The following ACBD3 variants were observed in gnomAD, a reference collection of about 807,000 sequenced individuals.
The protein encoded by ACBD3 is acyl-CoA binding domain containing 3.
Under a neutral mutation model 66.9 loss-of-function variants are expected in ACBD3, and 30 were observed. The observed-to-expected ratio is 0.45, with a 90% CI of 0.34 to 0.61. The LOEUF (loss-of-function observed/expected upper bound fraction) is 0.61. Among genes scored for constraint, ACBD3 ranks in the 20% least tolerant of loss-of-function variants. The pLI, the probability that ACBD3 is intolerant of heterozygous loss-of-function variation, is 0.02. For synonymous variants in ACBD3, 278 were observed against 259.8 expected (o/e 1.07, Z -0.68); for missense variants, 544 against 664.5 (o/e 0.82, Z 1.99).
At chr1:226,170,355 T>C (rs1576238005) in intron 1 of ACBD3, among the ~76,000 whole-genome samples, 1 of 149,270 alleles carries the variant, frequency 6.7e-6, no homozygotes, top group South Asian at 2.1e-4. Flanking sequence ...TTTTTTTTTT[T>C]AGTAGAGACG....
chr1:226,186,433 G>A lies in ACBD3; in HGVS notation c.243C>T (p.Phe81=), dbSNP rs753573490. 2 of 1,525,616 alleles carry A rather than the reference G, an allele frequency of 1.3e-6. No homozygotes were observed. Among genetic ancestry groups the A allele is most frequent in the East Asian group, 2.8e-5 (1 of 35,982 alleles). 94.5% of individuals were successfully genotyped at this position (1,525,616 alleles called of 1,614,324 possible). A position where few individuals can be genotyped will look rare whatever the true frequency, so the allele number is the denominator to read the frequency against. ...EARRLEQRWG[F]GLEELYGLAL... is the part of the protein sequence containing the mutation. ...CCAGGCCGTACAACTCCTCCAGGCC[G>A]AAACCCCAGCGCTGCTCCAGCCGCC... The change falls in exon 1 of 8, where the codon TTC becomes TTT. Residue 81 remains phenylalanine (F), a synonymous_variant. Coordinates refer to ENST00000366812, the MANE Select transcript of ACBD3 (RefSeq NM_022735.4).
intron 7 of ACBD3, among the ~76,000 whole-genome samples, chr1:226,151,864 G>A (rs187230247): frequency 1.3e-5 from 2 of 152,092 alleles, no homozygotes; most frequent in African/African-American, 2.4e-5. Context: ...AAAATTAGCC[G>A]GGCACAGTGG....
Position 226,146,523 on chromosome 1 carries a change from C to T in ACBD3, c.*87G>A. ...AATATCAATAAGGTAAACTGTGACT[C>T]TAATGCTCCACAAAAGTAAAAAGAA... is the stretch of plus-strand genomic sequence containing the variant. On this transcript the variant is annotated 3_prime_UTR_variant, in exon 8 of 8. Transcript: ENST00000366812. The T allele has an allele frequency of 8.7e-7, 1 of 1,155,432 alleles. No individual in the cohort carries two copies. Among genetic ancestry groups the T allele is most frequent in the Non-Finnish European group, 1.3e-6 (1 of 798,270 alleles). The allele number at this position is 1,155,432 out of a possible 1,614,324, so 71.6% of individuals were successfully genotyped here. A position where few individuals can be genotyped will look rare whatever the true frequency, so the allele number is the denominator to read the frequency against.
chr1:226,173,751 T>TC (rs1401968089), intron 1 of ACBD3, among the ~76,000 whole-genome samples: 1 of 136,666 alleles, frequency 7.3e-6, no homozygotes, highest in African/African-American at 2.9e-5. Context: ...TCTTTTTTTT[T>TC]CTTTTCTTTT....
At chr1:226,165,495 C>T (rs780188855) in intron 2 of ACBD3, among the ~76,000 whole-genome samples, 10 of 151,968 alleles carry the variant, frequency 6.6e-5, no homozygotes, top group African/African-American at 2.4e-4. Context: ...AATATTTGAG[C>T]CTTAATTAAA....
At chr1:226,181,512 T>C (rs967211523) in intron 1 of ACBD3, among the ~76,000 whole-genome samples, 6 of 152,176 alleles carry the variant, frequency 3.9e-5, no homozygotes, top group African/African-American at 1.4e-4. Flanking sequence ...GTAGAACTAT[T>C]CCATAAAGAA....
chr1:226,174,814 T>C (rs1655992258), intron 1 of ACBD3, among the ~76,000 whole-genome samples: 1 of 145,018 alleles, frequency 6.9e-6, no homozygotes, highest in African/African-American at 2.6e-5. Flanking sequence ...AAACAATGAA[T>C]GGGAAGGTGG....
At chr1:226,147,128 G>A (rs1297357106) in intron 7 of ACBD3, among the ~76,000 whole-genome samples, 14 of 152,208 alleles carry the variant, frequency 9.2e-5, no homozygotes, top group Admixed American at 9.2e-4. Context: ...CTGACCTTGT[G>A]ACCCACCTGC....
At position 226,184,585 on chromosome 1, in the gene ACBD3, T is replaced by C. The variant is rs539401278; in HGVS notation, c.286+1805A>G. On this transcript the variant is annotated intron_variant, in intron 1 of 7. Transcript: ENST00000366812. ...ATTTTATAGAATCCAGCTCCCTTTA[T>C]ACATATGAAACTGATTCTGGAAAAG... is the stretch of plus-strand genomic sequence containing the variant. Among the ~76,000 whole-genome samples, 4 of 152,338 alleles carry C rather than the reference T, an allele frequency of 2.6e-5. No individual in the cohort carries two copies. The East Asian group carries it at 7.7e-4, about 29-fold the overall frequency.
Position 226,146,650 on chromosome 1 carries a change from C to T in ACBD3, c.1547G>A (p.Arg516Gln), listed in dbSNP as rs756404934. 3 of 1,613,738 alleles carry T rather than the reference C, an allele frequency of 1.9e-6. No individual in the cohort carries two copies. Among genetic ancestry groups the T allele is most frequent in the Non-Finnish European group, 2.5e-6 (3 of 1,179,954 alleles). ...LKFDNSYSLW[R>Q]SKSVYYRVYY... ...GACTCTGTAGTAGACTGATTTTGACCGCCACAAAGAGTAGGAGTTGTCAAA... is the reference window on the plus strand; with the variant it reads ...GACTCTGTAGTAGACTGATTTTGACTGCCACAAAGAGTAGGAGTTGTCAAA... Residue 516 changes from arginine to glutamine, a missense_variant, in exon 8 of 8, where the codon CGG becomes CAG. Coordinates refer to ENST00000366812, the MANE Select transcript of ACBD3 (RefSeq NM_022735.4).
At chr1:226,179,701 T>C (rs1656127541) in intron 1 of ACBD3, among the ~76,000 whole-genome samples, 1 of 151,612 alleles carries the variant, frequency 6.6e-6, no homozygotes, top group African/African-American at 2.4e-5. Context: ...CTACTAAAAA[T>C]ACAAAAATTA....
intron 1 of ACBD3, among the ~76,000 whole-genome samples, chr1:226,185,788 G>A (rs1236337389): frequency 4.6e-5 from 7 of 152,136 alleles, no homozygotes; most frequent in African/African-American, 1.7e-4. Flanking sequence ...CTAGAACATA[G>A]TGGACATCTC....
chr1:226,146,860 A>G (rs1343290163), intron 7 of ACBD3, 39 bp from the exon 8 acceptor site: 2 of 1,571,458 alleles, frequency 1.3e-6, no homozygotes, highest in Non-Finnish European at 1.8e-6. Context: ...AGATTCAGGA[A>G]AACCACACTT....
chr1:226,164,329 C>G (rs539655158), intron 3 of ACBD3, among the ~76,000 whole-genome samples: 1 of 152,188 alleles, frequency 6.6e-6, no homozygotes, highest in East Asian at 1.9e-4. Context: ...TCCTCCAAAA[C>G]TTGAAAATAA....
At chr1:226,161,839 A>C in intron 3 of ACBD3, 150 bp from the exon 4 acceptor site, 1 of 846,138 alleles carries the variant, frequency 1.2e-6, no homozygotes, top group South Asian at 2.0e-5. Context: ...TACTAGCAGA[A>C]ACTTATAGGG....
At chr1:226,166,156 A>T (rs867479486) in intron 1 of ACBD3, among the ~76,000 whole-genome samples, 156 bp from the exon 2 acceptor site, 8 of 152,190 alleles carry the variant, frequency 5.3e-5, no homozygotes, top group Non-Finnish European at 1.2e-4. Flanking sequence ...TACTACTTTT[A>T]AAAAATTTTT....
chr1:226,149,969 G>A (rs1186287321), intron 7 of ACBD3, among the ~76,000 whole-genome samples: 1 of 151,946 alleles, frequency 6.6e-6, no homozygotes, highest in Admixed American at 6.6e-5. Flanking sequence ...AGGTTCTGAT[G>A]TTGTTGAAGG....
chr1:226,170,227 G>A (rs893083498), intron 1 of ACBD3, among the ~76,000 whole-genome samples: 26 of 146,728 alleles, frequency 1.8e-4, no homozygotes, highest in African/African-American at 6.0e-4. Flanking sequence ...GCATGATCTC[G>A]GTTCACTGCA....
intron 1 of ACBD3, among the ~76,000 whole-genome samples, chr1:226,184,603 T>C (rs941892351): frequency 2.6e-5 from 4 of 152,212 alleles, no homozygotes; most frequent in Non-Finnish European, 5.9e-5. Flanking sequence ...AAACTGATTC[T>C]GGAAAAGTTA....
Sources: gnomAD v4.1 joint callset for allele counts (sites outside exome capture counted in the v4.1 genomes callset) on GRCh38, gnomAD v4.1.1 for gene constraint, MANE v1.5 for transcripts, NCBI Gene and HGNC (gene_info 2026-07-23, HGNC 2026-07-21) for gene names.